PDE1C: variants seen among roughly 807,000 people sequenced by gnomAD.
PDE1C encodes phosphodiesterase 1C.
In PDE1C, 62 loss-of-function variants were observed where a neutral mutation model predicts 93.1. The ratio of observed to expected loss-of-function variants is 0.67; its 90% CI spans 0.54 to 0.82. The LOEUF (loss-of-function observed/expected upper bound fraction) is 0.82, where lower values mean the gene tolerates loss of function less well. PDE1C is among the 40% of genes least tolerant of loss of function. The pLI, the probability that PDE1C is intolerant of heterozygous loss-of-function variation, is 0.00. For missense variants in PDE1C, 742 were observed against 884.6 expected, an observed-to-expected ratio of 0.84 and a Z score of 2.04; for synonymous variants, 325 against 310.1, an observed-to-expected ratio of 1.05 and a Z score of -0.50.
At chr7:32,216,177 A>G (rs895791510) in intron 1 of PDE1C, among the ~76,000 whole-genome samples, 1 of 152,208 alleles carries the variant, frequency 6.6e-6, no homozygotes, top group Non-Finnish European at 1.5e-5. Flanking sequence ...GCTGGGGGGA[A>G]GGAGACTTGG....
At chr7:31,763,509 C>G (rs995111495) in intron 17 of PDE1C, among the ~76,000 whole-genome samples, 1 of 152,172 alleles carries the variant, frequency 6.6e-6, no homozygotes, top group Non-Finnish European at 1.5e-5. Flanking sequence ...CTATTACTAG[C>G]TGTGAAATCC....
chr7:32,397,359 T>A (rs971925310), intron 1 of PDE1C, among the ~76,000 whole-genome samples: 4 of 152,132 alleles, frequency 2.6e-5, no homozygotes, highest in African/African-American at 9.7e-5. Flanking sequence ...TGATGCAAAC[T>A]ATAACTACCC....
At chr7:31,759,914 C>G (rs1794725188) in intron 17 of PDE1C, among the ~76,000 whole-genome samples, 3 of 152,068 alleles carry the variant, frequency 2.0e-5, no homozygotes, top group Non-Finnish European at 4.4e-5. Flanking sequence ...CTCTCTCTCT[C>G]TCATCATTTT....
chr7:32,395,308 G>T (rs1784821982), intron 1 of PDE1C, among the ~76,000 whole-genome samples: 1 of 152,192 alleles, frequency 6.6e-6, no homozygotes, highest in South Asian at 2.1e-4. Flanking sequence ...TGGGAGGTCA[G>T]GGAAGGCTTC....
At chr7:31,679,577 A>T in the PDE1C span, among the ~76,000 whole-genome samples, 1 of 152,214 alleles carries the variant, frequency 6.6e-6, no homozygotes, top group African/African-American at 2.4e-5. Context: ...TTCAAATGTG[A>T]TATCCTCTCA....
At chr7:32,107,879 A>G (rs73100658) in intron 3 of PDE1C, among the ~76,000 whole-genome samples, 50,307 of 151,948 alleles carry the variant, frequency 0.33, 8,963 homozygotes, top group South Asian at 0.4. Flanking sequence ...AGGAGGGATG[A>G]TTGGGAATTC....
chr7:32,409,874 CTT>C (rs1251161633), intron 1 of PDE1C, among the ~76,000 whole-genome samples: 1 of 151,546 alleles, frequency 6.6e-6, no homozygotes, highest in Admixed American at 6.6e-5. Flanking sequence ...TGTACACAAA[CTT>C]ATGTATATAT....
chr7:31,797,892 C>T (rs968829254), intron 16 of PDE1C, among the ~76,000 whole-genome samples: 1 of 151,652 alleles, frequency 6.6e-6, no homozygotes, highest in African/African-American at 2.4e-5. Context: ...TAATGTGTGG[C>T]TAAAAAACAG....
the PDE1C span, among the ~76,000 whole-genome samples, chr7:31,708,665 C>T: frequency 1.3e-5 from 2 of 152,220 alleles, no homozygotes; most frequent in African/African-American, 4.8e-5. Flanking sequence ...TCCAGATTCT[C>T]TTCGAAAAAT....
At chr7:32,401,651 G>C (rs1784945287) in intron 1 of PDE1C, among the ~76,000 whole-genome samples, 2 of 152,162 alleles carry the variant, frequency 1.3e-5, no homozygotes, top group Non-Finnish European at 2.9e-5. Context: ...CTTGCCCTGG[G>C]CTTCCCTGAT....
intron 2 of PDE1C, among the ~76,000 whole-genome samples, chr7:31,999,076 C>T (rs992753189): frequency 2.0e-5 from 3 of 152,202 alleles, no homozygotes; most frequent in African/African-American, 7.2e-5. Flanking sequence ...GACCCTTACT[C>T]ATCTTCCTGA....
intron 2 of PDE1C, among the ~76,000 whole-genome samples, chr7:32,022,489 G>A (rs1788821644): frequency 6.6e-6 from 1 of 152,050 alleles, no homozygotes; most frequent in African/African-American, 2.4e-5. Context: ...CCAAGGAGAA[G>A]TCATGAATGT....
At chr7:31,854,864 C>T (rs1352325659) in intron 7 of PDE1C, among the ~76,000 whole-genome samples, 1 of 152,030 alleles carries the variant, frequency 6.6e-6, no homozygotes, top group East Asian at 1.9e-4. Flanking sequence ...GTCAGGAGTT[C>T]AAGACCAGAC....
chr7:32,095,158 A>C (rs2128746956), intron 3 of PDE1C, among the ~76,000 whole-genome samples: 1 of 152,350 alleles, frequency 6.6e-6, no homozygotes, highest in African/African-American at 2.4e-5. Context: ...TGCTTGCTGA[A>C]TCATTCTATT....
At chr7:32,141,950 C>A (rs1375208256) in intron 3 of PDE1C, among the ~76,000 whole-genome samples, 1 of 151,400 alleles carries the variant, frequency 6.6e-6, no homozygotes, top group East Asian at 1.9e-4. Context: ...AACACCCACC[C>A]CCCAAAAAAT....
chr7:32,366,700 C>G (rs918251502), intron 1 of PDE1C, among the ~76,000 whole-genome samples: 1 of 151,924 alleles, frequency 6.6e-6, no homozygotes, highest in Non-Finnish European at 1.5e-5. Context: ...AAGGGAATTC[C>G]CATTAGTCTA....
At chr7:31,695,902 C>G in the PDE1C span, 6 of 244,840 alleles carry the variant, frequency 2.5e-5, no homozygotes, top group Non-Finnish European at 3.9e-5. Context: ...ATTCAGGGAC[C>G]CGGTCTCATG....
At chr7:31,636,435 G>T in the PDE1C span, among the ~76,000 whole-genome samples, 1 of 152,174 alleles carries the variant, frequency 6.6e-6, no homozygotes, top group Non-Finnish European at 1.5e-5. Flanking sequence ...TTGAAAAGTT[G>T]AAATAATAAT....
chr7:32,329,019 C>T (rs1783460545), intron 1 of PDE1C, among the ~76,000 whole-genome samples: 1 of 152,242 alleles, frequency 6.6e-6, no homozygotes, highest in Admixed American at 6.5e-5. Flanking sequence ...ATCACTTAAG[C>T]TCAGGAGTTT....
Sources: gnomAD v4.1 joint callset for allele counts (sites outside exome capture counted in the v4.1 genomes callset) on GRCh38, gnomAD v4.1.1 for gene constraint, MANE v1.5 for transcripts, NCBI Gene and HGNC (gene_info 2026-07-23, HGNC 2026-07-21) for gene names.